GALNT13: variants seen among roughly 807,000 people sequenced by gnomAD.
The protein encoded by GALNT13 is polypeptide N-acetylgalactosaminyltransferase 13, also known as UDP-GalNAc:polypeptide N-acetylgalactosaminyltransferase 13.
Under a neutral mutation model 64.2 loss-of-function variants are expected in GALNT13, and 28 were observed. That is an observed-to-expected ratio of 0.44 (90% CI 0.32 to 0.60). The LOEUF is 0.60. GALNT13 is among the 20% of genes least tolerant of loss of function. The pLI, the probability that GALNT13 is intolerant of heterozygous loss-of-function variation, is 0.05. For synonymous variants in GALNT13, 214 were observed against 224.6 expected (o/e 0.95, Z 0.42); for missense variants, 577 against 669.8 (o/e 0.86, Z 1.53).
At chr2:154,382,298 A>C (rs1361994952) in intron 9 of GALNT13, among the ~76,000 whole-genome samples, 3 of 152,064 alleles carry the variant, frequency 2.0e-5, no homozygotes, top group East Asian at 1.9e-4. Flanking sequence ...CTAGACTATT[A>C]TGTAGAAGAA....
intron 9 of GALNT13, among the ~76,000 whole-genome samples, chr2:154,320,280 G>A (rs1303474078): frequency 6.6e-6 from 1 of 152,056 alleles, no homozygotes; most frequent in Non-Finnish European, 1.5e-5. Flanking sequence ...GGAGAATAAG[G>A]AAACTTGGAA....
intron 4 of GALNT13, among the ~76,000 whole-genome samples, chr2:154,220,986 A>G (rs1297668955): frequency 6.6e-6 from 1 of 152,030 alleles, no homozygotes; most frequent in African/African-American, 2.4e-5. Context: ...TAATTTGTTT[A>G]CTCACATTTT....
the GALNT13 span, among the ~76,000 whole-genome samples, chr2:153,123,771 A>C: frequency 6.6e-6 from 1 of 152,216 alleles, no homozygotes; most frequent in Non-Finnish European, 1.5e-5. Flanking sequence ...TTGATAAATT[A>C]CACTTAGAAT....
chr2:153,455,628 G>A, the GALNT13 span, among the ~76,000 whole-genome samples: 2 of 152,142 alleles, frequency 1.3e-5, no homozygotes, highest in Non-Finnish European at 1.5e-5. Flanking sequence ...GCAGTATCCG[G>A]GCAGGGTACC....
At chr2:154,263,320 A>G (rs1690804789) in intron 8 of GALNT13, among the ~76,000 whole-genome samples, 1 of 152,200 alleles carries the variant, frequency 6.6e-6, no homozygotes, top group South Asian at 2.1e-4. Context: ...ATTTTTAGAG[A>G]AAGATTAAAT....
the GALNT13 span, among the ~76,000 whole-genome samples, chr2:153,412,319 A>G: frequency 2.0e-5 from 3 of 152,156 alleles, no homozygotes; most frequent in Non-Finnish European, 2.9e-5. Flanking sequence ...TAGCTGTGTG[A>G]TTCAAATATG....
At chr2:153,469,334 A>ATGGTTTT in the GALNT13 span, among the ~76,000 whole-genome samples, 1 of 152,068 alleles carries the variant, frequency 6.6e-6, no homozygotes, top group African/African-American at 2.4e-5. Context: ...CCTACACACC[A>ATGGTTTT]GTCTTTATGG....
the GALNT13 span, among the ~76,000 whole-genome samples, chr2:153,678,685 G>A: frequency 6.6e-6 from 1 of 151,760 alleles, no homozygotes; most frequent in Non-Finnish European, 1.5e-5. Context: ...AGTTGGAAAG[G>A]GGGGAAAAAA....
the GALNT13 span, among the ~76,000 whole-genome samples, chr2:153,115,271 A>C: frequency 6.6e-6 from 1 of 152,154 alleles, no homozygotes; most frequent in African/African-American, 2.4e-5. Context: ...TCCATATCCA[A>C]GTTATCCAGG....
intron 9 of GALNT13, among the ~76,000 whole-genome samples, chr2:154,317,222 AAAAG>A (rs1170168723): frequency 1.2e-4 from 18 of 152,050 alleles, no homozygotes; most frequent in African/African-American, 3.9e-4. Flanking sequence ...AAAAAAAAAA[AAAAG>A]AAGAATGGTG....
the GALNT13 span, among the ~76,000 whole-genome samples, chr2:153,849,418 G>C: frequency 6.6e-6 from 1 of 152,092 alleles, no homozygotes; most frequent in Non-Finnish European, 1.5e-5. Context: ...TTCTTGCCTA[G>C]CAAGGAGCAG....
At chr2:153,478,328 G>C in the GALNT13 span, 1 of 1,614,164 alleles carries the variant, frequency 6.2e-7, no homozygotes, top group Non-Finnish European at 8.5e-7. Flanking sequence ...TTGATGAGCA[G>C]ATTGCAGCCG....
the GALNT13 span, among the ~76,000 whole-genome samples, chr2:153,725,627 T>G: frequency 1.3e-5 from 2 of 151,964 alleles, no homozygotes; most frequent in Non-Finnish European, 2.9e-5. Flanking sequence ...TTTGGAAAAA[T>G]GTAAAGTTTA....
In GALNT13 at chr2:153,884,785, A is replaced by ATATATATATATATGTG. The variant is rs1450308010; in HGVS notation, c.-177+12483_-177+12484insATATATATATATGTGT. 6.9e-4 allele frequency among the ~76,000 whole-genome samples: 85 copies of ATATATATATATATGTG among 122,494 alleles called. 1 individual carries two copies. The highest frequency in any genetic ancestry group is 2.8e-3 in the African/African-American group (81 of 28,600). The allele number at this position is 122,494 out of a possible 152,430, so 80.4% of individuals were successfully genotyped here. A position where few individuals can be genotyped will look rare whatever the true frequency, so the allele number is the denominator to read the frequency against. On this transcript the variant is annotated intron_variant, in intron 1 of 12. Coordinates refer to ENST00000392825, the MANE Select transcript of GALNT13 (RefSeq NM_052917.4). The stretch of plus-strand genomic sequence containing the variant: ...AATACGAATATATATATATATATAT[A>ATATATATATATATGTG]TGTGTGTGTATATATATATATGTGT...
chr2:153,875,739 G>T (rs969208986), intron 1 of GALNT13, among the ~76,000 whole-genome samples: 1 of 152,184 alleles, frequency 6.6e-6, no homozygotes, highest in Non-Finnish European at 1.5e-5. Context: ...TGAGAATAAA[G>T]TAGGAATAGA....
chr2:154,370,821 T>A (rs901561144), intron 9 of GALNT13, among the ~76,000 whole-genome samples: 2 of 152,132 alleles, frequency 1.3e-5, no homozygotes, highest in African/African-American at 4.8e-5. Context: ...ATAGCTAGTA[T>A]TTAAATCCAC....
chr2:153,994,176 T>C (rs1695360307), intron 3 of GALNT13, among the ~76,000 whole-genome samples: 1 of 152,180 alleles, frequency 6.6e-6, no homozygotes, highest in East Asian at 1.9e-4. Context: ...TTTGGTTTTT[T>C]TGTCCTTGCG....
the GALNT13 span, among the ~76,000 whole-genome samples, chr2:153,845,428 G>T: frequency 6.6e-6 from 1 of 152,088 alleles, no homozygotes; most frequent in East Asian, 1.9e-4. Flanking sequence ...ATGGGGGAAG[G>T]TACCGCACTC....
intron 4 of GALNT13, among the ~76,000 whole-genome samples, chr2:154,240,794 G>C (rs982593785): frequency 2.0e-5 from 3 of 152,180 alleles, no homozygotes; most frequent in African/African-American, 7.2e-5. Context: ...TTCTTGGCTT[G>C]GTGTACCGGA....
Sources: gnomAD v4.1 joint callset for allele counts (sites outside exome capture counted in the v4.1 genomes callset) on GRCh38, gnomAD v4.1.1 for gene constraint, MANE v1.5 for transcripts, NCBI Gene and HGNC (gene_info 2026-07-23, HGNC 2026-07-21) for gene names.